The following PACRG variants were observed in gnomAD, a reference collection of about 807,000 sequenced individuals.
PACRG encodes the protein parkin coregulated, also known as parkin coregulated gene protein.
In PACRG, 29 loss-of-function variants were observed where a neutral mutation model predicts 29.7. That is an observed-to-expected ratio of 0.98 (90% CI 0.73 to 1.33). The LOEUF is 1.33. PACRG is among the 40% of genes most tolerant of loss of function. PACRG has a pLI of 0.00. For synonymous variants in PACRG, 116 were observed against 118.7 expected (o/e 0.98, Z 0.15); for missense variants, 279 against 316.2 (o/e 0.88, Z 0.89).
At chr6:163,203,009 G>A (rs1165079016) in intron 4 of PACRG, among the ~76,000 whole-genome samples, 2 of 152,088 alleles carry the variant, frequency 1.3e-5, no homozygotes, top group African/African-American at 2.4e-5. Flanking sequence ...AAGCACCTTC[G>A]GTTGCCTGCT....
At chr6:163,231,728 C>G (rs1391538667) in intron 4 of PACRG, among the ~76,000 whole-genome samples, 2 of 152,142 alleles carry the variant, frequency 1.3e-5, no homozygotes, top group Non-Finnish European at 1.5e-5. Context: ...CCAGTCAGAG[C>G]CCCTTATCCA....
intron 3 of PACRG, among the ~76,000 whole-genome samples, chr6:163,073,718 G>C (rs1361239987): frequency 6.6e-6 from 1 of 152,140 alleles, no homozygotes; most frequent in East Asian, 1.9e-4. Context: ...TGTATTAGGA[G>C]CTCAAACAAC....
chr6:162,892,644 G>A (rs778420148), intron 2 of PACRG, among the ~76,000 whole-genome samples: 4 of 152,122 alleles, frequency 2.6e-5, no homozygotes, highest in Non-Finnish European at 4.4e-5. Flanking sequence ...GGTGGGACAG[G>A]GACCACTGGC....
At chr6:163,240,174 C>T (rs1782441162) in intron 4 of PACRG, among the ~76,000 whole-genome samples, 2 of 152,034 alleles carry the variant, frequency 1.3e-5, no homozygotes, top group South Asian at 4.2e-4. Context: ...CGGGGCCGCA[C>T]CTGTGCCTCC....
intron 4 of PACRG, chr6:163,190,047 T>C (rs997668985): frequency 2.0e-5 from 3 of 152,158 alleles, no homozygotes; most frequent in African/African-American, 7.2e-5. Flanking sequence ...GAAACTAGGT[T>C]TCAAATGCGG....
chr6:162,846,776 T>C (rs1210306950), intron 2 of PACRG, among the ~76,000 whole-genome samples: 2 of 152,208 alleles, frequency 1.3e-5, no homozygotes, highest in African/African-American at 4.8e-5. Flanking sequence ...TGGCAATTCC[T>C]GTAGTGCTTC....
chr6:162,735,364 A>G (rs921657556), intron 1 of PACRG, among the ~76,000 whole-genome samples: 1 of 152,198 alleles, frequency 6.6e-6, no homozygotes, highest in African/African-American at 2.4e-5. Flanking sequence ...CCAGTGCTAT[A>G]TGAGAGTGCT....
chr6:162,925,974 A>T (rs1034289649), intron 2 of PACRG, among the ~76,000 whole-genome samples: 2 of 152,140 alleles, frequency 1.3e-5, no homozygotes, highest in Non-Finnish European at 2.9e-5. Flanking sequence ...TACAAAATTA[A>T]TGTGCAAAAA....
chr6:163,270,020 GAGGGAGGA>G (rs146112220), intron 4 of PACRG, among the ~76,000 whole-genome samples: 14,708 of 125,538 alleles, frequency 0.12, 2,041 homozygotes, highest in Middle Eastern at 0.2. Flanking sequence ...GGGAGGGAGG[GAGGGAGGA>G]AGGAAGGAAG....
At chr6:162,857,781 T>A (rs1791527626) in intron 2 of PACRG, among the ~76,000 whole-genome samples, 1 of 151,872 alleles carries the variant, frequency 6.6e-6, no homozygotes, top group Non-Finnish European at 1.5e-5. Context: ...TTTTTTTTTT[T>A]AATTTAAGGT....
At chr6:163,103,518 CT>C (rs1011952296) in intron 4 of PACRG, among the ~76,000 whole-genome samples, 4 of 151,588 alleles carry the variant, frequency 2.6e-5, no homozygotes, top group South Asian at 2.1e-4. Context: ...CTTTGTTCCA[CT>C]TTTTTTTTGT....
intron 4 of PACRG, among the ~76,000 whole-genome samples, chr6:163,111,700 T>A (rs1045778002): frequency 1.3e-5 from 2 of 152,256 alleles, no homozygotes; most frequent in African/African-American, 2.4e-5. Context: ...TCTGTATTCT[T>A]CAGTGTAATA....
intron 2 of PACRG, among the ~76,000 whole-genome samples, chr6:162,851,300 G>A (rs1230413440): frequency 2.0e-5 from 3 of 152,058 alleles, no homozygotes; most frequent in Admixed American, 6.5e-5. Context: ...TCCCCAGCTC[G>A]GCTCCTGCTG....
chr6:163,181,604 CAAAAAAAA>C (rs544633309), intron 4 of PACRG, among the ~76,000 whole-genome samples: 161 of 65,124 alleles, frequency 2.5e-3, no homozygotes, highest in African/African-American at 9.8e-3. Flanking sequence ...CTTGAGGTGG[CAAAAAAAA>C]AAAAAAAAAA....
chr6:162,975,199 T>C (rs951765644), intron 2 of PACRG, among the ~76,000 whole-genome samples: 2 of 152,134 alleles, frequency 1.3e-5, no homozygotes, highest in Non-Finnish European at 2.9e-5. Flanking sequence ...AGCCAATAGA[T>C]GGTAACTCAA....
At chr6:163,023,383 C>A (rs925705307) in intron 2 of PACRG, among the ~76,000 whole-genome samples, 2 of 152,186 alleles carry the variant, frequency 1.3e-5, no homozygotes, top group African/African-American at 4.8e-5. Context: ...GCTCTATTTA[C>A]GTTGCTGCAA....
At chr6:162,762,808 GC>G (rs1364307217) in intron 1 of PACRG, among the ~76,000 whole-genome samples, 6 of 152,116 alleles carry the variant, frequency 3.9e-5, no homozygotes, top group Non-Finnish European at 7.4e-5. Flanking sequence ...GTTTTTCAGA[GC>G]TCTATTGATT....
chr6:163,020,101 C>G (rs1360266138), intron 2 of PACRG, among the ~76,000 whole-genome samples: 5 of 152,166 alleles, frequency 3.3e-5, no homozygotes, highest in South Asian at 4.1e-4. Context: ...TTTAAACTGT[C>G]AGGGTAACAA....
chr6:163,066,556 T>TA (rs1201871094), intron 3 of PACRG, among the ~76,000 whole-genome samples: 1 of 152,194 alleles, frequency 6.6e-6, no homozygotes, highest in Non-Finnish European at 1.5e-5. Context: ...TAATGACTCT[T>TA]AAAAATCCCA....
Sources: gnomAD v4.1 joint callset for allele counts (sites outside exome capture counted in the v4.1 genomes callset) on GRCh38, gnomAD v4.1.1 for gene constraint, MANE v1.5 for transcripts, NCBI Gene and HGNC (gene_info 2026-07-23, HGNC 2026-07-21) for gene names.